Variants in RAB31 observed in about 807,000 individuals in gnomAD.
RAB31 encodes the protein RAB31, member RAS oncogene family, also known as ras-related protein Rab-31.
RAB31 carries 21 observed loss-of-function variants against 25.6 expected under a neutral mutation model. That is an observed-to-expected ratio of 0.82 (90% CI 0.58 to 1.18). The LOEUF (loss-of-function observed/expected upper bound fraction) is 1.18. Among genes scored for constraint, RAB31 ranks in the 50% most tolerant of loss-of-function variants. RAB31 has a pLI of 0.00. For missense variants in RAB31, 196 were observed against 250.1 expected (o/e 0.78, Z 1.46); for synonymous variants, 87 against 84.0 (o/e 1.04, Z -0.20).
intron 5 of RAB31, among the ~76,000 whole-genome samples, chr18:9,819,066 C>T (rs1397683947): frequency 6.6e-6 from 1 of 152,198 alleles, no homozygotes; most frequent in Non-Finnish European, 1.5e-5. Context: ...TATTTCCTCT[C>T]ATCCTGTGGA....
chr18:9,775,168 C>G, intron 1 of RAB31, 110 bp from the exon 2 acceptor site: 2 of 1,544,940 alleles, frequency 1.3e-6, no homozygotes, highest in Non-Finnish European at 1.8e-6. Flanking sequence ...CCAGTCTCAT[C>G]AACCAGAAAT....
intron 1 of RAB31, among the ~76,000 whole-genome samples, chr18:9,760,468 T>G (rs1464886021): frequency 6.6e-6 from 1 of 152,200 alleles, no homozygotes; most frequent in African/African-American, 2.4e-5. Flanking sequence ...GCCACCATGC[T>G]GGGCCATCAG....
intron 1 of RAB31, among the ~76,000 whole-genome samples, chr18:9,771,666 C>T (rs1252206184): frequency 6.6e-6 from 1 of 152,230 alleles, no homozygotes; most frequent in Non-Finnish European, 1.5e-5. Flanking sequence ...GTAGGGTGTG[C>T]CCCTGGTGGC....
At chr18:9,746,240 AC>A (rs1410505255) in intron 1 of RAB31, among the ~76,000 whole-genome samples, 1 of 152,244 alleles carries the variant, frequency 6.6e-6, no homozygotes, top group Non-Finnish European at 1.5e-5. Flanking sequence ...AAACTAAAGA[AC>A]ATTTCACATT....
intron 2 of RAB31, among the ~76,000 whole-genome samples, chr18:9,791,095 A>T (rs980831904): frequency 6.6e-6 from 1 of 152,238 alleles, no homozygotes; most frequent in South Asian, 2.1e-4. Context: ...TAGAGAAAAC[A>T]TAAGTATGTG....
intron 5 of RAB31, among the ~76,000 whole-genome samples, chr18:9,828,442 GAGTA>G (rs2068661190): frequency 6.6e-6 from 1 of 152,162 alleles, no homozygotes; most frequent in Non-Finnish European, 1.5e-5. Flanking sequence ...CTAGTGTCTT[GAGTA>G]AGTGTGTGAT....
chr18:9,842,207 T>C (rs547632165), intron 5 of RAB31, among the ~76,000 whole-genome samples: 60 of 152,284 alleles, frequency 3.9e-4, no homozygotes, highest in African/African-American at 1.1e-3. Context: ...TAGTTCGTAT[T>C]GAGGCTTCAT....
chr18:9,756,800 C>T (rs75810651), intron 1 of RAB31, among the ~76,000 whole-genome samples: 1 of 152,174 alleles, frequency 6.6e-6, no homozygotes, highest in Non-Finnish European at 1.5e-5. Flanking sequence ...GCCTTTGTTT[C>T]CAGTTTTGCT....
At chr18:9,857,256 G>GT (rs201641825) in intron 6 of RAB31, among the ~76,000 whole-genome samples, 16,939 of 136,064 alleles carry the variant, frequency 0.12, 985 homozygotes, top group Middle Eastern at 0.21. Context: ...TTTGGTGACT[G>GT]TCTATACCAT....
chr18:9,833,555 G>A (rs1255819062), intron 5 of RAB31, among the ~76,000 whole-genome samples: 1 of 152,224 alleles, frequency 6.6e-6, no homozygotes, highest in Non-Finnish European at 1.5e-5. Flanking sequence ...GGTTGATGCT[G>A]AAGTTGCTTA....
chr18:9,804,383 G>A (rs369241520), intron 3 of RAB31, among the ~76,000 whole-genome samples: 1 of 152,180 alleles, frequency 6.6e-6, no homozygotes, highest in African/African-American at 2.4e-5. Context: ...ATGAGGCACT[G>A]TCTGTGCCTC....
intron 5 of RAB31, among the ~76,000 whole-genome samples, chr18:9,825,652 A>T (rs997830340): frequency 3.3e-5 from 5 of 152,124 alleles, no homozygotes; most frequent in African/African-American, 1.2e-4. Flanking sequence ...CGTCAGTAGG[A>T]GTTTATGGTA....
chr18:9,846,496 G>A (rs376316846), intron 6 of RAB31, among the ~76,000 whole-genome samples: 39 of 152,208 alleles, frequency 2.6e-4, no homozygotes, highest in African/African-American at 8.4e-4. Flanking sequence ...TATCAGGGAC[G>A]TTGGGAGAAG....
chr18:9,732,758 G>T (rs1159212374), intron 1 of RAB31, among the ~76,000 whole-genome samples: 2 of 152,212 alleles, frequency 1.3e-5, no homozygotes, highest in Non-Finnish European at 2.9e-5. Flanking sequence ...ACCCTGGGCT[G>T]GAGTCTGAAT....
chr18:9,719,068 G>A (rs1568161116), intron 1 of RAB31, among the ~76,000 whole-genome samples: 1 of 151,214 alleles, frequency 6.6e-6, no homozygotes. Flanking sequence ...TCAGGAGTTC[G>A]AGACCAGCCT....
intron 1 of RAB31, among the ~76,000 whole-genome samples, chr18:9,774,452 G>A (rs1022826867): frequency 6.6e-6 from 1 of 152,136 alleles, no homozygotes; most frequent in African/African-American, 2.4e-5. Flanking sequence ...GAGGTTCTGC[G>A]GCATGAATTG....
chr18:9,841,956 T>C (rs887198023), intron 5 of RAB31, among the ~76,000 whole-genome samples: 1 of 152,158 alleles, frequency 6.6e-6, no homozygotes, highest in African/African-American at 2.4e-5. Context: ...TGACTACTTT[T>C]ATTTTCAGTC....
At chr18:9,836,754 A>G (rs1201096524) in intron 5 of RAB31, among the ~76,000 whole-genome samples, 1 of 149,592 alleles carries the variant, frequency 6.7e-6, no homozygotes, top group Non-Finnish European at 1.5e-5. Context: ...ACTCAGTGTG[A>G]GGAACAGGGT....
chr18:9,758,605 T>A (rs1373709824), intron 1 of RAB31, among the ~76,000 whole-genome samples: 2 of 152,148 alleles, frequency 1.3e-5, no homozygotes, highest in Non-Finnish European at 2.9e-5. Flanking sequence ...ACAGCACTTG[T>A]CACAGTCGAT....
Sources: gnomAD v4.1 joint callset for allele counts (sites outside exome capture counted in the v4.1 genomes callset) on GRCh38, gnomAD v4.1.1 for gene constraint, MANE v1.5 for transcripts, NCBI Gene and HGNC (gene_info 2026-07-23, HGNC 2026-07-21) for gene names.